Variants in IL1RAPL2 observed in about 807,000 individuals in gnomAD.
IL1RAPL2 encodes X-linked interleukin-1 receptor accessory protein-like 2.
Under a neutral mutation model 44.1 loss-of-function variants are expected in IL1RAPL2, and 3 were observed. That is an observed-to-expected ratio of 0.07 (90% CI 0.03 to 0.18). IL1RAPL2 has a LOEUF of 0.18. IL1RAPL2 is among the 10% of genes least tolerant of loss of function. IL1RAPL2 has a pLI of 1.00. For synonymous variants in IL1RAPL2, 181 were observed against 178.8 expected (o/e 1.01, Z -0.10); for missense variants, 391 against 496.4 (o/e 0.79, Z 2.02).
intron 2 of IL1RAPL2, among the ~76,000 whole-genome samples, chrX:104,721,368 T>C (rs188206165): frequency 9.0e-6 from 1 of 110,918 alleles, no homozygotes; most frequent in Non-Finnish European, 1.9e-5. Context: ...AGTGAGATCA[T>C]GTTCTTTGCA....
At chrX:104,684,339 C>A (rs763792987) in intron 2 of IL1RAPL2, among the ~76,000 whole-genome samples, 7 of 111,741 alleles carry the variant, frequency 6.3e-5, no homozygotes, top group African/African-American at 2.0e-4. Flanking sequence ...CTCATTCCAG[C>A]GTCACAGATG....
At chrX:104,619,409 C>T in intron 1 of IL1RAPL2, among the ~76,000 whole-genome samples, 1 of 111,852 alleles carries the variant, frequency 8.9e-6, no homozygotes, top group South Asian at 3.8e-4. Flanking sequence ...GCTCAGATTC[C>T]CAGTGGAAAG....
chrX:105,534,768 C>T (rs1247328095), intron 6 of IL1RAPL2, among the ~76,000 whole-genome samples: 1 of 111,930 alleles, frequency 8.9e-6, no homozygotes. Context: ...ATATTTTTCA[C>T]ATATGGCCTT....
At chrX:104,797,554 A>C (rs1932858446) in intron 2 of IL1RAPL2, among the ~76,000 whole-genome samples, 1 of 111,822 alleles carries the variant, frequency 8.9e-6, no homozygotes, top group Middle Eastern at 4.2e-3. Flanking sequence ...ACAGTAAAGG[A>C]ATCTGTTTAA....
chrX:104,697,827 A>C (rs1931206692), intron 2 of IL1RAPL2, among the ~76,000 whole-genome samples: 1 of 112,578 alleles, frequency 8.9e-6, no homozygotes, highest in Non-Finnish European at 1.9e-5. Context: ...TGGCTGCATA[A>C]GAAATTACCC....
intron 6 of IL1RAPL2, among the ~76,000 whole-genome samples, chrX:105,609,414 TA>T (rs985992172): frequency 9.0e-6 from 1 of 110,785 alleles, no homozygotes; most frequent in South Asian, 3.8e-4. Flanking sequence ...ATTTTACAAT[TA>T]AAAAAATAGT....
At chrX:105,686,400 A>G (rs1249043784) in intron 6 of IL1RAPL2, among the ~76,000 whole-genome samples, 1 of 105,601 alleles carries the variant, frequency 9.5e-6, no homozygotes, top group African/African-American at 3.4e-5. Flanking sequence ...AAAAAAAAAA[A>G]AAAAAGCAGG....
chrX:105,089,096 G>T (rs893104037), intron 2 of IL1RAPL2, among the ~76,000 whole-genome samples: 1 of 111,298 alleles, frequency 9.0e-6, no homozygotes, highest in Non-Finnish European at 1.9e-5. Flanking sequence ...GAACTTTGCA[G>T]ACCATAAAAA....
chrX:105,108,494 A>ATTTTTTTTTTTTTT (rs71816209), intron 2 of IL1RAPL2, among the ~76,000 whole-genome samples: 21 of 73,625 alleles, frequency 2.9e-4, no homozygotes, highest in African/African-American at 1.1e-3. Flanking sequence ...CCATGCCCGG[A>ATTTTTTTTTTTTTT]TTTTTTTTTT....
At chrX:105,213,475 A>G (rs1386872494) in intron 3 of IL1RAPL2, among the ~76,000 whole-genome samples, 1 of 110,568 alleles carries the variant, frequency 9.0e-6, no homozygotes, top group African/African-American at 3.3e-5. Context: ...ATATGGGACT[A>G]TGTGAAAAGA....
chrX:105,702,946 A>AC (rs1441694610), intron 6 of IL1RAPL2, among the ~76,000 whole-genome samples: 2 of 111,899 alleles, frequency 1.8e-5, no homozygotes, highest in Non-Finnish European at 3.8e-5. Flanking sequence ...GATGAGGAAA[A>AC]CCATTTCAAG....
At chrX:105,730,133 G>A (rs1024388393) in intron 7 of IL1RAPL2, among the ~76,000 whole-genome samples, 7 of 111,038 alleles carry the variant, frequency 6.3e-5, no homozygotes, top group Non-Finnish European at 1.1e-4. Context: ...CATTTCACCT[G>A]TAGAGACACA....
chrX:105,527,102 T>C (rs1167817565), intron 6 of IL1RAPL2, among the ~76,000 whole-genome samples: 1 of 111,410 alleles, frequency 9.0e-6, no homozygotes, highest in Non-Finnish European at 1.9e-5. Context: ...ATATGCTGCC[T>C]CCTAGTCTGT....
chrX:105,150,580 G>A (rs1334777439), intron 2 of IL1RAPL2, among the ~76,000 whole-genome samples: 1 of 111,969 alleles, frequency 8.9e-6, no homozygotes, highest in Admixed American at 9.5e-5. Context: ...AGACTAGACT[G>A]GACTGACAGT....
At chrX:105,482,825 T>C (rs1177230652) in intron 5 of IL1RAPL2, among the ~76,000 whole-genome samples, 1 of 111,088 alleles carries the variant, frequency 9.0e-6, no homozygotes, top group Admixed American at 9.7e-5. Context: ...CTGTGAATTA[T>C]AAAGAAGTAT....
At position 104,778,418 on chromosome X, in the gene IL1RAPL2, T is replaced by G. The variant is rs188434535; in HGVS notation, c.82+119423T>G. ...ATTTAATTTTTTCTTTTTTAAAATA[T>G]AAAACTTTGCACACACCTGTAGTCC... On this transcript the variant is annotated intron_variant, in intron 2 of 10. Coordinates refer to ENST00000372582, the MANE Select transcript of IL1RAPL2 (RefSeq NM_017416.2). 1.2e-4 allele frequency among the ~76,000 whole-genome samples: 13 copies of G among 109,660 alleles called. No individual in the cohort carries two copies. The East Asian group carries it at 3.1e-3, about 26-fold the overall frequency.
At chrX:104,906,276 C>A (rs1242775670) in intron 2 of IL1RAPL2, among the ~76,000 whole-genome samples, 1 of 110,928 alleles carries the variant, frequency 9.0e-6, no homozygotes, top group East Asian at 2.8e-4. Context: ...TTCCTCTTTT[C>A]CTAATTGAAT....
At position 105,220,343 on chromosome X, in the gene IL1RAPL2, C is replaced by A. The variant is rs149930638; in HGVS notation, c.357-13475C>A. 8.1e-4 allele frequency: 970 copies of A among 1,203,717 alleles called. 4 individuals are homozygous for A. In the African/African-American group the frequency reaches 0.014, roughly 17 times the overall value. ...CTGGCCATTTTCTCGTTGATGAAGG[C>A]CACCACGTTGCTATGCCGGAACCCG... On this transcript the variant is annotated intron_variant, in intron 3 of 10. Transcript: ENST00000372582.
rs148654556 is a variant in IL1RAPL2, at chrX:104,943,969, A to G, written c.83-251506A>G. ...AATACTATGTCAGGAAATAGTTTCT[A>G]TTATTTTTGGTGACCCTAAAAGTGG... On this transcript the variant is annotated intron_variant, in intron 2 of 10. Transcript: ENST00000372582. 3.1e-3 allele frequency among the ~76,000 whole-genome samples: 342 copies of G among 111,776 alleles called. 2 individuals are homozygous for G. The highest frequency in any genetic ancestry group is 0.011 in the African/African-American group (324 of 30,827).
Sources: allele counts gnomAD v4.1 joint callset (sites outside exome capture counted in the v4.1 genomes callset), GRCh38; gene constraint gnomAD v4.1.1; transcripts MANE v1.5; gene names NCBI Gene and HGNC (gene_info 2026-07-23, HGNC 2026-07-21).